The following ABL2 variants were observed in gnomAD, a reference collection of about 807,000 sequenced individuals.
ABL2 encodes ABL proto-oncogene 2, non-receptor tyrosine kinase, also known as tyrosine-protein kinase ABL2.
In ABL2, 49 loss-of-function variants were observed where a neutral mutation model predicts 107.7. The observed-to-expected ratio is 0.45, with a 90% CI of 0.36 to 0.58. ABL2 has a LOEUF of 0.58. Among genes scored for constraint, ABL2 ranks in the 20% least tolerant of loss-of-function variants. ABL2 has a pLI of 0.00. For synonymous variants in ABL2, 549 were observed against 548.6 expected (o/e 1.00, Z -0.01); for missense variants, 1,245 against 1,457.0 (o/e 0.85, Z 2.37).
chr1:179,154,229 G>A (rs867791732), intron 1 of ABL2, among the ~76,000 whole-genome samples: 33 of 152,158 alleles, frequency 2.2e-4, no homozygotes, highest in African/African-American at 6.8e-4. Flanking sequence ...AAGTCAAATA[G>A]CTAAGTTTTC....
rs2124889006 is a variant in ABL2, at chr1:179,229,330, C to G, written c.68G>C (p.Arg23Pro). The G allele has an allele frequency of 5.0e-6, 8 of 1,584,222 alleles. No individual in the cohort carries two copies. The highest frequency in any genetic ancestry group is 6.8e-6 in the Non-Finnish European group (8 of 1,168,146). Residue 23 changes from arginine (R) to proline (P), a missense_variant, in exon 1 of 12, where the codon CGG becomes CCG. By Grantham distance (103) the Arg-to-Pro change is moderately radical. Coordinates refer to ENST00000502732, the MANE Select transcript of ABL2 (RefSeq NM_007314.4). Reference sequence around the variant, plus strand: ...GGAGGGCCTGGCTGCACTGCTGCCCCGGATCCCGCGGGGCTGAGGCTGCTG... The same window carrying G: ...GGAGGGCCTGGCTGCACTGCTGCCCGGGATCCCGCGGGGCTGAGGCTGCTG... ...GLQQPQPRGIRGSSAARPSGR... is the reference protein window; with the variant it reads ...GLQQPQPRGIPGSSAARPSGR...
In ABL2 at chr1:179,229,664, G is replaced by T; in HGVS notation, c.-267C>A. 2.2e-6 allele frequency: 1 copy of T among 459,966 alleles called. No individual in the cohort carries two copies. Among genetic ancestry groups the T allele is most frequent in the Non-Finnish European group, 3.8e-6 (1 of 264,704 alleles). 28.5% of individuals were successfully genotyped at this position (459,966 alleles called of 1,614,324 possible). On this transcript the variant is annotated 5_prime_UTR_variant, in exon 1 of 12. Transcript: ENST00000502732. ...CGCCGCCGCCGCCGCCACCGCCGCC[G>T]CCATCTTTAAACCACCGAGCGCTGG...
chr1:179,168,250 C>A lies in ABL2; in HGVS notation c.158-34876G>T, dbSNP rs370538112. ...ACCAAAATCCACAGATCTTTAAGTC[C>A]TTTATATAAAATAGCATGGTATTTG... On this transcript the variant is annotated intron_variant, in intron 1 of 11. Transcript: ENST00000502732. 3.9e-5 allele frequency among the ~76,000 whole-genome samples: 6 copies of A among 152,212 alleles called. No individual in the cohort carries two copies. In the South Asian group the frequency reaches 1.2e-3, roughly 32 times the overall value.
At chr1:179,198,335 T>C (rs546555949) in intron 1 of ABL2, among the ~76,000 whole-genome samples, 1 of 152,218 alleles carries the variant, frequency 6.6e-6, no homozygotes, top group African/African-American at 2.4e-5. Flanking sequence ...TGAGAGTTGT[T>C]TGTGCTATTC....
At chr1:179,210,503 C>CAAAAAAAAAAAAAA (rs113814284) in intron 1 of ABL2, among the ~76,000 whole-genome samples, 4 of 93,958 alleles carry the variant, frequency 4.3e-5, no homozygotes, top group East Asian at 3.1e-4. Context: ...CTCTAACTCA[C>CAAAAAAAAAAAAAA]AAAAAAAAAA....
chr1:179,224,601 TGA>T (rs1231401370), intron 1 of ABL2, among the ~76,000 whole-genome samples: 1 of 151,736 alleles, frequency 6.6e-6, no homozygotes, highest in Admixed American at 6.6e-5. Flanking sequence ...TTTTAGAAAA[TGA>T]GAGAGGGAAG....
rs764485677 is a variant in ABL2 at position 179,108,226 on chromosome 1, G to A, written c.3041C>T (p.Ser1014Phe). ...TCCTCCTTCCTGTGTTTCTGATGTG[G>A]ACTGTCCTGCAGTTAGGGCAGTTGG... is the stretch of plus-strand genomic sequence containing the variant. ...EEPTALTAGQ[S>F]TSETQEGGKK... is the part of the protein sequence containing the mutation. The change falls in exon 12 of 12, where the codon TCC becomes TTC. Residue 1014 changes from serine to phenylalanine, a missense_variant. Transcript: ENST00000502732. 8 of 1,614,118 alleles carry A rather than the reference G, an allele frequency of 5.0e-6. No individual in the cohort carries two copies. In the South Asian group the frequency reaches 7.7e-5, roughly 16 times the overall value.
chr1:179,176,497 A>T (rs1477068196), intron 1 of ABL2, among the ~76,000 whole-genome samples: 1 of 152,098 alleles, frequency 6.6e-6, no homozygotes, highest in African/African-American at 2.4e-5. Context: ...AAAAATGTTT[A>T]AAAAGTTTCT....
intron 1 of ABL2, among the ~76,000 whole-genome samples, chr1:179,134,742 GCCCTCTCCCTCTTTCCACGGTCT>G (rs1212921530): frequency 8.6e-5 from 13 of 151,564 alleles, no homozygotes. Context: ...CTCCACGGTC[GCCCTCTCCCTCTTTCCACGGTCT>G]CCCTCTGATG....
intron 1 of ABL2, among the ~76,000 whole-genome samples, chr1:179,142,226 C>T (rs1022925572): frequency 6.6e-6 from 1 of 152,170 alleles, no homozygotes; most frequent in African/African-American, 2.4e-5. Flanking sequence ...GACTGATTTT[C>T]ACTCACATGT....
At position 179,104,192 on chromosome 1, in the gene ABL2, T is replaced by C. The variant is rs144886763; in HGVS notation, c.*3526A>G. Reference sequence around the variant, plus strand: ...TAAGTATCTTACAAATATCATCTCATTTAATCCTTACAACAACCCTGAGGT... The same window carrying C: ...TAAGTATCTTACAAATATCATCTCACTTAATCCTTACAACAACCCTGAGGT... On this transcript the variant is annotated 3_prime_UTR_variant, in exon 12 of 12. Coordinates refer to ENST00000502732, the MANE Select transcript of ABL2 (RefSeq NM_007314.4). The C allele has an allele frequency of 5.1e-4, 119 of 231,282 alleles. No individual in the cohort carries two copies. Among genetic ancestry groups the C allele is most frequent in the Middle Eastern group, 1.3e-3 (1 of 772 alleles). The allele number at this position is 231,282 out of a possible 1,614,324, so 14.3% of individuals were successfully genotyped here. A position where few individuals can be genotyped will look rare whatever the true frequency, so the allele number is the denominator to read the frequency against.
chr1:179,199,731 CTT>C (rs55794608), intron 1 of ABL2, among the ~76,000 whole-genome samples: 12,476 of 135,906 alleles, frequency 0.092, 409 homozygotes, highest in African/African-American at 0.11. Flanking sequence ...ACACTTTTTC[CTT>C]TTTTTTTTTT....
At position 179,107,617 on chromosome 1, in the gene ABL2, A is replaced by C. The variant is rs953477141; in HGVS notation, c.*101T>G. On this transcript the variant is annotated 3_prime_UTR_variant, in exon 12 of 12. Coordinates refer to ENST00000502732, the MANE Select transcript of ABL2 (RefSeq NM_007314.4). ...GAGGTACTTCACATAAACACACTCA[A>C]GTATGAGTCTTTCATTTTCTGAAAA... 1 of 1,512,000 alleles carries C rather than the reference A, an allele frequency of 6.6e-7. No homozygotes were observed. Among genetic ancestry groups the C allele is most frequent in the Non-Finnish European group, 8.8e-7 (1 of 1,133,534 alleles). The allele number at this position is 1,512,000 out of a possible 1,614,324, so 93.7% of individuals were successfully genotyped here.
chr1:179,120,697 G>A (rs1164033717), intron 5 of ABL2, among the ~76,000 whole-genome samples: 2 of 152,200 alleles, frequency 1.3e-5, no homozygotes, highest in African/African-American at 2.4e-5. Flanking sequence ...GGGATTACAG[G>A]TGTGAGCCAC....
chr1:179,108,986 G>A lies in ABL2; in HGVS notation c.2281C>T (p.Leu761=), dbSNP rs140267087. The A allele has an allele frequency of 5.1e-4, 820 of 1,614,114 alleles. 1 individual carries two copies. The highest frequency in any genetic ancestry group is 2.3e-3 in the Middle Eastern group (14 of 6,062). Residue 761 remains leucine (L), a synonymous_variant, in exon 12 of 12, where the codon CTG becomes TTG. Coordinates refer to ENST00000502732, the MANE Select transcript of ABL2 (RefSeq NM_007314.4). ...GTGGGTTTACCTGCTCGTAAGCCCA[G>A]TGTCTTTTTGATTAAGCGTGGTGTA... ...FFTPRLIKKT[L]GLRAGKPTAS...
intron 1 of ABL2, among the ~76,000 whole-genome samples, chr1:179,202,730 A>C (rs1661742496): frequency 6.6e-6 from 1 of 152,232 alleles, no homozygotes; most frequent in Non-Finnish European, 1.5e-5. Flanking sequence ...GCTCAACAGA[A>C]TGAAGAATAC....
At chr1:179,135,469 G>A (rs1656802469) in intron 1 of ABL2, among the ~76,000 whole-genome samples, 3 of 149,948 alleles carry the variant, frequency 2.0e-5, no homozygotes. Flanking sequence ...CGCCCCGTCT[G>A]AGAAGTGAGG....
At chr1:179,205,876 T>C (rs138697099) in intron 1 of ABL2, among the ~76,000 whole-genome samples, 1 of 152,240 alleles carries the variant, frequency 6.6e-6, no homozygotes, top group African/African-American at 2.4e-5. Context: ...GCCCTGCCAA[T>C]AACAGCAAAA....
At chr1:179,140,347 G>T (rs1397447342) in intron 1 of ABL2, among the ~76,000 whole-genome samples, 1 of 152,142 alleles carries the variant, frequency 6.6e-6, no homozygotes, top group Non-Finnish European at 1.5e-5. Flanking sequence ...TTCTCAGTAT[G>T]TCATTCTCTG....
Sources: allele counts gnomAD v4.1 joint callset (sites outside exome capture counted in the v4.1 genomes callset), GRCh38; gene constraint gnomAD v4.1.1; transcripts MANE v1.5; gene names NCBI Gene and HGNC (gene_info 2026-07-23, HGNC 2026-07-21).